Variants in CLSTN2 observed in about 807,000 individuals in gnomAD.
The protein encoded by CLSTN2 is calsyntenin-2.
In CLSTN2, 48 loss-of-function variants were observed where a neutral mutation model predicts 101.2. The ratio of observed to expected loss-of-function variants is 0.47; its 90% CI spans 0.38 to 0.60. The LOEUF (loss-of-function observed/expected upper bound fraction) is 0.60. Among genes scored for constraint, CLSTN2 ranks in the 20% least tolerant of loss-of-function variants. The pLI is 0.00. For missense variants in CLSTN2, 1,160 were observed against 1,238.2 expected (o/e 0.94, Z 0.95); for synonymous variants, 481 against 463.6 (o/e 1.04, Z -0.48).
chr3:140,448,320 G>C (rs1472682042), intron 5 of CLSTN2, among the ~76,000 whole-genome samples, 199 bp from the exon 6 acceptor site: 3 of 152,140 alleles, frequency 2.0e-5, no homozygotes, highest in Non-Finnish European at 4.4e-5. Flanking sequence ...GCAGTTTTCT[G>C]TGTTTGCCTA....
intron 1 of CLSTN2, among the ~76,000 whole-genome samples, chr3:140,125,195 A>T (rs1243434420): frequency 1.3e-5 from 2 of 152,148 alleles, no homozygotes; most frequent in Non-Finnish European, 2.9e-5. Flanking sequence ...TCTTTTGAGA[A>T]AGGTTGCAGT....
chr3:140,062,925 T>A (rs1454493737), intron 1 of CLSTN2, among the ~76,000 whole-genome samples: 1 of 152,210 alleles, frequency 6.6e-6, no homozygotes, highest in African/African-American at 2.4e-5. Context: ...CAGCAAAATA[T>A]AATACATTTG....
At chr3:140,170,333 G>A (rs911513132) in intron 1 of CLSTN2, among the ~76,000 whole-genome samples, 5 of 150,342 alleles carry the variant, frequency 3.3e-5, no homozygotes, top group Non-Finnish European at 7.4e-5. Flanking sequence ...TTGATCTATA[G>A]ACAAAGGATA....
chr3:140,475,376 A>G (rs966412740), intron 8 of CLSTN2, among the ~76,000 whole-genome samples: 3 of 152,250 alleles, frequency 2.0e-5, no homozygotes, highest in Non-Finnish European at 4.4e-5. Flanking sequence ...CATAGTCTCC[A>G]CAAACACACT....
intron 2 of CLSTN2, among the ~76,000 whole-genome samples, chr3:140,306,057 C>A (rs187610601): frequency 4.5e-4 from 68 of 152,294 alleles, no homozygotes; most frequent in Non-Finnish European, 7.2e-4. Flanking sequence ...CACTGTGCCC[C>A]CTACACCCTC....
chr3:139,965,042 C>G (rs771406848), intron 1 of CLSTN2, among the ~76,000 whole-genome samples: 10 of 152,148 alleles, frequency 6.6e-5, no homozygotes, highest in Non-Finnish European at 1.5e-4. Flanking sequence ...TGGGAGTTTT[C>G]TTCAGTGATT....
chr3:140,312,339 G>A (rs767433227), intron 2 of CLSTN2, among the ~76,000 whole-genome samples: 36 of 152,348 alleles, frequency 2.4e-4, no homozygotes, highest in Non-Finnish European at 4.0e-4. Context: ...TGAAGAGCTG[G>A]CGCTTGGCCA....
chr3:140,429,003 A>G (rs887937426), intron 5 of CLSTN2, among the ~76,000 whole-genome samples: 1 of 152,182 alleles, frequency 6.6e-6, no homozygotes, highest in Non-Finnish European at 1.5e-5. Context: ...CACTTTGACT[A>G]AGACCATGCG....
At chr3:139,937,338 A>C (rs2107805030) in intron 1 of CLSTN2, among the ~76,000 whole-genome samples, 1 of 152,318 alleles carries the variant, frequency 6.6e-6, no homozygotes, top group African/African-American at 2.4e-5. Flanking sequence ...GAGATAAAAA[A>C]GGAAAATAAA....
At chr3:140,145,933 G>A (rs903773797) in intron 1 of CLSTN2, among the ~76,000 whole-genome samples, 1 of 152,192 alleles carries the variant, frequency 6.6e-6, no homozygotes, top group Non-Finnish European at 1.5e-5. Flanking sequence ...CTCTGTGATG[G>A]CCTGCCATTT....
intron 1 of CLSTN2, among the ~76,000 whole-genome samples, chr3:140,107,596 G>A (rs1381961283): frequency 6.6e-6 from 1 of 152,140 alleles, no homozygotes; most frequent in African/African-American, 2.4e-5. Context: ...GAGTACAACT[G>A]TATCTAAACC....
chr3:140,046,754 A>C (rs1335431750), intron 1 of CLSTN2, among the ~76,000 whole-genome samples: 4 of 152,034 alleles, frequency 2.6e-5, no homozygotes, highest in Admixed American at 6.5e-5. Context: ...AAAGGATTTT[A>C]TTTCTCCTTC....
chr3:140,409,530 C>T (rs1257763675), intron 4 of CLSTN2, among the ~76,000 whole-genome samples: 2 of 152,214 alleles, frequency 1.3e-5, no homozygotes, highest in African/African-American at 2.4e-5. Flanking sequence ...CATCCCCACC[C>T]TCACCTACCC....
intron 2 of CLSTN2, among the ~76,000 whole-genome samples, chr3:140,202,247 C>T (rs1415118447): frequency 2.6e-5 from 4 of 152,166 alleles, no homozygotes; most frequent in Non-Finnish European, 5.9e-5. Context: ...GGCTCAAGAG[C>T]AGTGTCAGGG....
At chr3:139,943,538 G>A (rs1316232410) in intron 1 of CLSTN2, among the ~76,000 whole-genome samples, 1 of 152,182 alleles carries the variant, frequency 6.6e-6, no homozygotes, top group Non-Finnish European at 1.5e-5. Flanking sequence ...TACTGCTTGT[G>A]ATGCCCATTG....
chr3:139,947,592 G>A (rs534544281), intron 1 of CLSTN2, among the ~76,000 whole-genome samples: 1 of 152,252 alleles, frequency 6.6e-6, no homozygotes, highest in Admixed American at 6.5e-5. Flanking sequence ...AGGAAAGAAA[G>A]CTAAAATTAC....
rs1187228033 is a variant in CLSTN2 at position 140,030,370 on chromosome 3, CT to C, written c.109+94890del. ...GATGGCTGACCTCAAAGCCCCAGCT[CT>C]TTCTTCTTTCCTGGATCCTGACTCT... On this transcript the variant is annotated intron_variant, in intron 1 of 16. Transcript: ENST00000458420. 2.6e-5 allele frequency among the ~76,000 whole-genome samples: 4 copies of C among 152,008 alleles called. No individual in the cohort carries two copies. In the East Asian group the frequency reaches 7.7e-4, roughly 29 times the overall value.
intron 1 of CLSTN2, among the ~76,000 whole-genome samples, chr3:140,032,047 C>A (rs2007563151): frequency 6.6e-6 from 1 of 152,118 alleles, no homozygotes. Context: ...AGAACAAGCA[C>A]AAGTAGAGGT....
At chr3:140,046,023 T>A (rs2007872473) in intron 1 of CLSTN2, among the ~76,000 whole-genome samples, 1 of 152,236 alleles carries the variant, frequency 6.6e-6, no homozygotes. Flanking sequence ...TCTGTAAATG[T>A]CTATTAGGTC....
Sources: gnomAD v4.1 joint callset for allele counts (sites outside exome capture counted in the v4.1 genomes callset) on GRCh38, gnomAD v4.1.1 for gene constraint, MANE v1.5 for transcripts, NCBI Gene and HGNC (gene_info 2026-07-23, HGNC 2026-07-21) for gene names.